COPA: variants seen among roughly 807,000 people sequenced by gnomAD.
The protein encoded by COPA is coatomer subunit alpha.
COPA carries 10 observed loss-of-function variants against 158.7 expected under a neutral mutation model. That is an observed-to-expected ratio of 0.06 (90% CI 0.04 to 0.11). The LOEUF is 0.11. COPA is among the 10% of genes least tolerant of loss of function. COPA has a pLI of 1.00. For missense variants in COPA, 1,065 were observed against 1,536.7 expected, an observed-to-expected ratio of 0.69 and a Z score of 5.13; for synonymous variants, 462 against 542.8, an observed-to-expected ratio of 0.85 and a Z score of 2.07.
chr1:160,302,775 C>T (rs1571156270), intron 17 of COPA, among the ~76,000 whole-genome samples: 2 of 151,640 alleles, frequency 1.3e-5, no homozygotes, highest in Non-Finnish European at 1.5e-5. Context: ...AGGATGGTCT[C>T]GATCTCCTGA....
intron 15 of COPA, 110 bp downstream of exon 15, chr1:160,306,241 CAAG>C (rs1251986695): frequency 1.6e-6 from 2 of 1,255,968 alleles, no homozygotes; most frequent in Middle Eastern, 2.6e-4. Flanking sequence ...TCTTGGAGCA[CAAG>C]AAGTGGCCAA....
intron 7 of COPA, among the ~76,000 whole-genome samples, chr1:160,324,174 A>C (rs1047729332): frequency 6.6e-6 from 1 of 151,782 alleles, no homozygotes; most frequent in African/African-American, 2.4e-5. Flanking sequence ...AACTTTTATA[A>C]CTTAATGCAG....
rs759516454 is a variant in COPA at position 160,307,174 on chromosome 1, G to C, written c.1291C>G (p.Arg431Gly). ...VARNRFAVLD[R>G]MHSLLIKNLK... The stretch of plus-strand genomic sequence containing the variant: ...TAGTCTTAACTCACCGAATGCATCC[G>C]ATCTAGGACAGCAAACCGATTTCGA... Residue 431 changes from arginine to glycine, a missense_variant, in exon 14 of 33, where the codon CGG (arginine) becomes GGG (glycine). Physicochemically the swap from Arg to Gly is moderately radical, Grantham distance 125. Transcript: ENST00000241704. 6.2e-7 allele frequency: 1 copy of C among 1,614,082 alleles called. No homozygotes were observed. The highest frequency in any genetic ancestry group is 8.5e-7 in the Non-Finnish European group (1 of 1,179,988).
At chr1:160,339,147 G>T (rs1647919788) in intron 3 of COPA, among the ~76,000 whole-genome samples, 2 of 143,780 alleles carry the variant, frequency 1.4e-5, no homozygotes, top group African/African-American at 5.9e-5. Context: ...CTCCTTATTG[G>T]CCATCTCATT....
chr1:160,322,315 T>C (rs1403087298), intron 8 of COPA, among the ~76,000 whole-genome samples: 1 of 152,092 alleles, frequency 6.6e-6, no homozygotes, highest in Non-Finnish European at 1.5e-5. Flanking sequence ...CACAAATCTA[T>C]AGCTAACTCA....
intron 3 of COPA, 102 bp from the exon 4 acceptor site, chr1:160,335,424 A>C: frequency 9.7e-5 from 75 of 776,346 alleles, no homozygotes; most frequent in Non-Finnish European, 1.3e-4. Context: ...GTATATAAAT[A>C]TAGATTTATA....
chr1:160,292,417 T>C, intron 28 of COPA, 67 bp downstream of exon 28: 1 of 1,605,896 alleles, frequency 6.2e-7, no homozygotes, highest in South Asian at 1.1e-5. Context: ...ACTATGTCAC[T>C]GAGGCTACCA....
Position 160,288,979 on chromosome 1 carries a change from C to T in COPA, c.*1178G>A, listed in dbSNP as rs1311638921. Among the ~76,000 whole-genome samples the T allele has an allele frequency of 6.6e-6, 1 of 150,934 alleles. No individual in the cohort carries two copies. The highest frequency in any genetic ancestry group is 1.9e-4 in the East Asian group (1 of 5,146). ...AAAACATGTGCTTCTTTTTTTCTTTCTTTTTTTTTGAGATGGAGTCTCACT... is the reference window on the plus strand; with the variant it reads ...AAAACATGTGCTTCTTTTTTTCTTTTTTTTTTTTTGAGATGGAGTCTCACT... On this transcript the variant is annotated 3_prime_UTR_variant, in exon 33 of 33. Coordinates refer to ENST00000241704, the MANE Select transcript of COPA (RefSeq NM_004371.4).
At chr1:160,293,517 C>G (rs1658309925) in intron 25 of COPA, 54 bp from the exon 26 acceptor site, 2 of 1,280,004 alleles carry the variant, frequency 1.6e-6, no homozygotes, top group African/African-American at 1.5e-5. Flanking sequence ...TTTTTTGAGA[C>G]AGGGTCACAC....
intron 6 of COPA, among the ~76,000 whole-genome samples, chr1:160,331,760 C>T (rs1356104213): frequency 6.6e-6 from 1 of 151,828 alleles, no homozygotes; most frequent in African/African-American, 2.4e-5. Flanking sequence ...CCAGCCTGGC[C>T]AATATGGTGA....
intron 8 of COPA, among the ~76,000 whole-genome samples, chr1:160,318,479 A>AAC (rs1659223374): frequency 2.8e-5 from 2 of 72,612 alleles, no homozygotes; most frequent in Non-Finnish European, 4.8e-5. Flanking sequence ...AAAAAAAAAA[A>AAC]AAAAAAAAAA....
Position 160,290,210 on chromosome 1 carries a change from C to G in COPA, c.3622G>C (p.Glu1208Gln). The part of the protein sequence containing the change: ...GQICRVTTVT[E>Q]IGKDVIGLRI... ...AAACCAATCACATCTTTGCCAATCTCTGTCACCTGTGGAAAAACAAACAAA... is the reference window on the plus strand; with the variant it reads ...AAACCAATCACATCTTTGCCAATCTGTGTCACCTGTGGAAAAACAAACAAA... Residue 1208 changes from glutamate (E) to glutamine (Q), a missense_variant, in exon 33 of 33, where the codon GAG (glutamate) becomes CAG (glutamine). Physicochemically the swap from Glu to Gln is conservative, Grantham distance 29. Coordinates refer to ENST00000241704, the MANE Select transcript of COPA (RefSeq NM_004371.4). The G allele has an allele frequency of 6.2e-7, 1 of 1,614,088 alleles. No individual in the cohort carries two copies. The highest frequency in any genetic ancestry group is 8.5e-7 in the Non-Finnish European group (1 of 1,179,998).
intron 13 of COPA, 124 bp from the exon 14 acceptor site, chr1:160,307,369 C>T (rs1658824992): frequency 2.3e-6 from 2 of 853,304 alleles, no homozygotes; most frequent in Non-Finnish European, 4.0e-6. Flanking sequence ...GAGCTGCTTC[C>T]TAACTAATTC....
intron 8 of COPA, among the ~76,000 whole-genome samples, chr1:160,319,237 C>T (rs759039674): frequency 6.6e-6 from 1 of 151,938 alleles, no homozygotes; most frequent in Non-Finnish European, 1.5e-5. Flanking sequence ...CGTAGCTATA[C>T]TTACATGAGA....
intron 19 of COPA, 117 bp from the exon 20 acceptor site, chr1:160,297,862 T>C: frequency 9.1e-7 from 1 of 1,101,836 alleles, no homozygotes; most frequent in Non-Finnish European, 1.3e-6. Context: ...ATACTTTCAA[T>C]TACTCCTAGC....
chr1:160,298,712 T>C (rs1225148047), intron 19 of COPA, 133 bp downstream of exon 19: 3 of 1,123,162 alleles, frequency 2.7e-6, no homozygotes, highest in Non-Finnish European at 3.8e-6. Context: ...GATGGCTCAA[T>C]GTAACAACTA....
At chr1:160,306,667 G>A (rs1658794875) in intron 14 of COPA, among the ~76,000 whole-genome samples, 174 bp from the exon 15 acceptor site, 1 of 152,116 alleles carries the variant, frequency 6.6e-6, no homozygotes, top group Admixed American at 6.5e-5. Flanking sequence ...TTCTCTAAGG[G>A]CCTTAATACA....
chr1:160,291,685 C>A, intron 30 of COPA, 134 bp downstream of exon 30: 1 of 1,096,484 alleles, frequency 9.1e-7, no homozygotes, highest in Admixed American at 2.2e-5. Context: ...AATGTATCCT[C>A]CCCTCATAGA....
chr1:160,334,666 C>T (rs1647678741), intron 4 of COPA, among the ~76,000 whole-genome samples: 1 of 152,106 alleles, frequency 6.6e-6, no homozygotes, highest in African/African-American at 2.4e-5. Flanking sequence ...TGCTAATACA[C>T]AGAACTATAA....
Sources: gnomAD v4.1 joint callset for allele counts (sites outside exome capture counted in the v4.1 genomes callset) on GRCh38, gnomAD v4.1.1 for gene constraint, MANE v1.5 for transcripts, NCBI Gene and HGNC (gene_info 2026-07-23, HGNC 2026-07-21) for gene names.